CLPB: variants seen among roughly 807,000 people sequenced by gnomAD.
CLPB encodes the protein ClpB family mitochondrial disaggregase.
In CLPB, 40 loss-of-function variants were observed where a neutral mutation model predicts 78.4. The observed-to-expected ratio is 0.51, with a 90% confidence interval of 0.40 to 0.66. The LOEUF (loss-of-function observed/expected upper bound fraction) is 0.66. Among genes scored for constraint, CLPB ranks in the 30% least tolerant of loss-of-function variants. The pLI is 0.00. For missense variants in CLPB, 780 were observed against 886.9 expected (o/e 0.88, Z 1.53); for synonymous variants, 333 against 348.0 (o/e 0.96, Z 0.48).
Position 72,292,052 on chromosome 11 carries a change from A to G in CLPB, c.*1315T>C. 1.3e-5 allele frequency: 2 copies of G among 151,992 alleles called. No homozygotes were observed. The highest frequency in any genetic ancestry group is 2.9e-5 in the Non-Finnish European group (2 of 68,630). The allele number at this position is 151,992 out of a possible 1,614,324, so 9.4% of individuals were successfully genotyped here. A position where few individuals can be genotyped will look rare whatever the true frequency, so the allele number is the denominator to read the frequency against. ...AGTGAGACTCTGTCTCAAAAAAAAA[A>G]AAAAAAAAAAAAAGGCAGTCAGTGA... On this transcript the variant is annotated 3_prime_UTR_variant, in exon 16 of 16. Transcript: ENST00000538039.
intron 1 of CLPB, among the ~76,000 whole-genome samples, chr11:72,433,435 GA>G (rs1235136759): frequency 6.6e-6 from 1 of 151,994 alleles, no homozygotes; most frequent in African/African-American, 2.4e-5. Flanking sequence ...AGCTACTTGG[GA>G]GGCTAAGGCA....
At chr11:72,299,493 G>A (rs1466032975) in intron 11 of CLPB, among the ~76,000 whole-genome samples, 1 of 151,582 alleles carries the variant, frequency 6.6e-6, no homozygotes, top group Non-Finnish European at 1.5e-5. Flanking sequence ...GAGCAGTACT[G>A]ACCAGCTGCA....
rs188067395 is a variant in CLPB at position 72,302,451 on chromosome 11, C to T, written c.1123-103G>A. 56 of 949,552 alleles carry T rather than the reference C, an allele frequency of 5.9e-5. No individual in the cohort carries two copies. In the East Asian group the frequency reaches 1.3e-3, roughly 23 times the overall value. The allele number at this position is 949,552 out of a possible 1,614,324, so 58.8% of individuals were successfully genotyped here. ...AACTATCCCCAAGGCTTTCACACCA[C>T]ACCAACATAAGATCTTCTATCTCAC... On this transcript the variant is annotated intron_variant, in intron 9 of 15. Coordinates refer to ENST00000538039, the MANE Select transcript of CLPB (RefSeq NM_001258392.3).
At chr11:72,322,735 G>A (rs1030900803) in intron 6 of CLPB, among the ~76,000 whole-genome samples, 2 of 152,078 alleles carry the variant, frequency 1.3e-5, no homozygotes, top group African/African-American at 4.8e-5. Flanking sequence ...TTAAGGTGGC[G>A]GCTGCCAGGT....
intron 1 of CLPB, 36 bp from the exon 2 acceptor site, chr11:72,430,399 C>A: frequency 6.2e-7 from 1 of 1,604,000 alleles, no homozygotes; most frequent in South Asian, 1.1e-5. Context: ...GATCCGCGGC[C>A]AGGACATACC....
intron 2 of CLPB, among the ~76,000 whole-genome samples, chr11:72,407,649 A>ATTT (rs994491508): frequency 7.1e-6 from 1 of 140,510 alleles, no homozygotes; most frequent in Non-Finnish European, 1.6e-5. Context: ...GCCACCTACT[A>ATTT]TTTTTTTTTT....
At chr11:72,328,670 G>A (rs1251216325) in intron 6 of CLPB, among the ~76,000 whole-genome samples, 3 of 152,192 alleles carry the variant, frequency 2.0e-5, no homozygotes, top group Non-Finnish European at 4.4e-5. Flanking sequence ...CAGACTCCAT[G>A]AGGCTGGAAA....
At chr11:72,386,839 T>C (rs1167369877) in intron 3 of CLPB, among the ~76,000 whole-genome samples, 1 of 152,228 alleles carries the variant, frequency 6.6e-6, no homozygotes, top group Non-Finnish European at 1.5e-5. Context: ...GTTTAATTCA[T>C]AGAAGTCTGT....
rs1331788819 is a variant in CLPB, at chr11:72,372,054, C to T, written c.646+8227G>A. ...ACTCCAATTTGGGCCTTAAAATAAG[C>T]CTATGGTGTAGGAAATATTATTCTC... On this transcript the variant is annotated intron_variant, in intron 4 of 15. Transcript: ENST00000538039. 2.6e-5 allele frequency among the ~76,000 whole-genome samples: 4 copies of T among 152,154 alleles called. No individual in the cohort carries two copies. The East Asian group carries it at 7.7e-4, about 29-fold the overall frequency.
chr11:72,332,410 A>G (rs113365347), intron 5 of CLPB, among the ~76,000 whole-genome samples: 1,554 of 152,138 alleles, frequency 0.01, 31 homozygotes, highest in East Asian at 0.063. Flanking sequence ...AATTGCATGA[A>G]CCCAGGAGGC....
intron 3 of CLPB, among the ~76,000 whole-genome samples, chr11:72,384,093 G>A (rs1473607604): frequency 6.6e-6 from 1 of 152,194 alleles, no homozygotes; most frequent in Non-Finnish European, 1.5e-5. Flanking sequence ...GGCAGAGATT[G>A]TAGTGAGCTG....
chr11:72,344,118 C>A (rs151183889), intron 5 of CLPB, among the ~76,000 whole-genome samples: 1 of 152,164 alleles, frequency 6.6e-6, no homozygotes, highest in East Asian at 1.9e-4. Flanking sequence ...ATGTCATTAC[C>A]ACATCCAGCA....
At chr11:72,367,630 G>C (rs560724409) in intron 4 of CLPB, among the ~76,000 whole-genome samples, 1 of 152,182 alleles carries the variant, frequency 6.6e-6, no homozygotes, top group African/African-American at 2.4e-5. Context: ...ATGAAGGGGG[G>C]CACGGGTTGA....
At chr11:72,352,248 C>A (rs1391291096) in intron 5 of CLPB, among the ~76,000 whole-genome samples, 1 of 152,220 alleles carries the variant, frequency 6.6e-6, no homozygotes, top group Admixed American at 6.5e-5. Context: ...ACAATTTATT[C>A]ATCCATTCAG....
At chr11:72,386,954 G>T (rs1469328598) in intron 3 of CLPB, among the ~76,000 whole-genome samples, 3 of 152,092 alleles carry the variant, frequency 2.0e-5, no homozygotes, top group African/African-American at 7.2e-5. Context: ...AGCTAAGAGG[G>T]TACAAAAAGG....
intron 4 of CLPB, chr11:72,373,010 C>T (rs781119779): frequency 6.2e-7 from 1 of 1,614,022 alleles, no homozygotes; most frequent in Non-Finnish European, 8.5e-7. Flanking sequence ...CGTCCTGTCC[C>T]CCATCTGAAG....
At chr11:72,390,143 A>G (rs1855204844) in intron 3 of CLPB, among the ~76,000 whole-genome samples, 1 of 152,188 alleles carries the variant, frequency 6.6e-6, no homozygotes, top group South Asian at 2.1e-4. Flanking sequence ...TGCTAGGATC[A>G]GAAGGCCCAA....
intron 2 of CLPB, among the ~76,000 whole-genome samples, chr11:72,416,735 CAAAAAAAAAAA>C (rs35655496): frequency 5.9e-5 from 3 of 50,658 alleles, no homozygotes; most frequent in African/African-American, 1.1e-4. Flanking sequence ...GACTCCGTCT[CAAAAAAAAAAA>C]AAAAAAAAAG....
At chr11:72,369,654 T>C (rs1486125464) in intron 4 of CLPB, among the ~76,000 whole-genome samples, 1 of 152,206 alleles carries the variant, frequency 6.6e-6, no homozygotes, top group Non-Finnish European at 1.5e-5. Flanking sequence ...CTGTAATTAA[T>C]AGCCAATTCC....
Sources: allele counts gnomAD v4.1 joint callset (sites outside exome capture counted in the v4.1 genomes callset), GRCh38; gene constraint gnomAD v4.1.1; transcripts MANE v1.5; gene names NCBI Gene and HGNC (gene_info 2026-07-23, HGNC 2026-07-21).